The following PTPRT variants were observed in gnomAD, a reference collection of about 807,000 sequenced individuals.
PTPRT encodes receptor-type tyrosine-protein phosphatase T.
PTPRT carries 56 observed loss-of-function variants against 176.8 expected under a neutral mutation model. That is an observed-to-expected ratio of 0.32 (90% confidence interval 0.26 to 0.40). The LOEUF (loss-of-function observed/expected upper bound fraction) is 0.40, where lower values mean the gene tolerates loss of function less well. PTPRT is among the 10% of genes least tolerant of loss of function. PTPRT has a pLI of 1.00. For missense variants in PTPRT, 1,540 were observed against 1,908.2 expected (o/e 0.81, Z 3.60); for synonymous variants, 783 against 739.0 (o/e 1.06, Z -0.96).
chr20:42,248,888 T>C lies in PTPRT; in HGVS notation c.2177-66A>G, dbSNP rs985176209. 4.4e-6 allele frequency: 7 copies of C among 1,573,576 alleles called. No individual in the cohort carries two copies. The Middle Eastern group carries it at 6.7e-4, about 150-fold the overall frequency. ...CAAACATGCGACTAGACAATCATCATAATGACAACAGCTTCCTTTAGTTGA... is the reference window on the plus strand; with the variant it reads ...CAAACATGCGACTAGACAATCATCACAATGACAACAGCTTCCTTTAGTTGA... On this transcript the variant is annotated intron_variant, in intron 13 of 30. Coordinates refer to ENST00000373187, the MANE Select transcript of PTPRT (RefSeq NM_007050.6).
chr20:42,630,131 G>T (rs1323867577), intron 7 of PTPRT, among the ~76,000 whole-genome samples: 1 of 152,132 alleles, frequency 6.6e-6, no homozygotes, highest in Non-Finnish European at 1.5e-5. Context: ...AGGTAAGAGG[G>T]TCAGAGTCAG....
At chr20:42,623,608 A>C (rs874921) in intron 7 of PTPRT, among the ~76,000 whole-genome samples, 32,059 of 152,106 alleles carry the variant, frequency 0.21, 4,620 homozygotes, top group African/African-American at 0.41. Context: ...GGGACATGGC[A>C]TCATTCTGCT....
chr20:43,176,360 A>G (rs2425613), intron 1 of PTPRT, among the ~76,000 whole-genome samples: 139,352 of 152,072 alleles, frequency 0.92, 64,067 homozygotes, highest in Non-Finnish European at 0.95. Context: ...ATTGCACAGC[A>G]GCACAATCAT....
chr20:43,139,234 T>C (rs945336536), intron 1 of PTPRT, among the ~76,000 whole-genome samples: 2 of 152,180 alleles, frequency 1.3e-5, no homozygotes, highest in African/African-American at 4.8e-5. Context: ...TCAGTCTCTT[T>C]TGCACGTGTC....
In PTPRT at chr20:42,118,469, C is replaced by A; in HGVS notation, c.2916G>T (p.Trp972Cys). 2 of 1,612,906 alleles carry A rather than the reference C, an allele frequency of 1.2e-6. No homozygotes were observed. The highest frequency in any genetic ancestry group is 2.2e-5 in the South Asian group (2 of 90,896). The change falls in exon 21 of 31, where the codon TGG becomes TGT. Residue 972 changes from tryptophan (W) to cysteine (C), a missense_variant. Around this residue, in one of 11 missense-constraint regions of PTPRT, gnomAD observed 248 missense variants for 356.7 expected, o/e 0.70. Transcript: ENST00000373187. Reference sequence around the variant, plus strand: ...CGGAGTTCTCCTGCCAGATCATTCTCCAAAAGTCCTTTACAGTCTCCTGCA... The same window carrying A: ...CGGAGTTCTCCTGCCAGATCATTCTACAAAAGTCCTTTACAGTCTCCTGCA... ...GPMQETVKDF[W>C]RMIWQENSAS...
intron 2 of PTPRT, among the ~76,000 whole-genome samples, chr20:42,883,962 TAC>T (rs552445389): frequency 1.2e-3 from 184 of 149,470 alleles, no homozygotes; most frequent in African/African-American, 4.0e-3. Flanking sequence ...TACACCCCCA[TAC>T]ACACACACAC....
rs1205734732 is a variant in PTPRT, at chr20:42,075,993, GTTTCCTGGCCTTGCGTTCCTGT to G, written c.*4864_*4885del. 4 of 223,748 alleles carry G rather than the reference GTTTCCTGGCCTTGCGTTCCTGT, an allele frequency of 1.8e-5. No individual in the cohort carries two copies. Among genetic ancestry groups the G allele is most frequent in the Non-Finnish European group, 3.6e-5 (4 of 112,084 alleles). The allele number at this position is 223,748 out of a possible 1,614,324, so 13.9% of individuals were successfully genotyped here. A position where few individuals can be genotyped will look rare whatever the true frequency, so the allele number is the denominator to read the frequency against. On this transcript the variant is annotated 3_prime_UTR_variant, in exon 31 of 31. Coordinates refer to ENST00000373187, the MANE Select transcript of PTPRT (RefSeq NM_007050.6). Reference sequence around the variant, plus strand: ...GGTTCTGAGTATTCACTGGGTTCCAGTTTCCTGGCCTTGCGTTCCTGTTTTCCTGCCTAAAGTGCTCCAAATC... The same window carrying G: ...GGTTCTGAGTATTCACTGGGTTCCAGTTTCCTGCCTAAAGTGCTCCAAATC...
At chr20:42,255,809 G>C (rs979791105) in intron 13 of PTPRT, among the ~76,000 whole-genome samples, 4 of 152,162 alleles carry the variant, frequency 2.6e-5, no homozygotes, top group Admixed American at 2.6e-4. Flanking sequence ...AATCCCAATG[G>C]ATGCATAACC....
At chr20:42,695,704 T>C (rs1352745847) in intron 6 of PTPRT, among the ~76,000 whole-genome samples, 4 of 152,332 alleles carry the variant, frequency 2.6e-5, no homozygotes, top group African/African-American at 2.4e-5. Context: ...ATGGGATCAC[T>C]ACCCCAAGTT....
chr20:42,582,022 T>C (rs2145727199), intron 7 of PTPRT, among the ~76,000 whole-genome samples: 1 of 152,336 alleles, frequency 6.6e-6, no homozygotes, highest in East Asian at 1.9e-4. Flanking sequence ...TTTGACTGGC[T>C]TGTTCACCCC....
chr20:42,471,593 C>T (rs2071198712), intron 8 of PTPRT, among the ~76,000 whole-genome samples: 1 of 152,152 alleles, frequency 6.6e-6, no homozygotes, highest in Non-Finnish European at 1.5e-5. Flanking sequence ...CCAATTAAAC[C>T]TCCTTTCTTT....
chr20:42,891,473 T>C (rs534889846), intron 1 of PTPRT, among the ~76,000 whole-genome samples: 10 of 152,330 alleles, frequency 6.6e-5, no homozygotes, highest in African/African-American at 2.2e-4. Flanking sequence ...AGCAAGGAAA[T>C]TGGATTTTGA....
chr20:42,145,526 A>G (rs749535959), intron 17 of PTPRT, among the ~76,000 whole-genome samples: 18 of 152,042 alleles, frequency 1.2e-4, no homozygotes, highest in Non-Finnish European at 2.1e-4. Flanking sequence ...AGATAGATAG[A>G]TAGATAGATA....
chr20:42,471,310 C>T (rs536024821), intron 8 of PTPRT, among the ~76,000 whole-genome samples: 26 of 152,246 alleles, frequency 1.7e-4, no homozygotes, highest in African/African-American at 4.6e-4. Flanking sequence ...TTGTCCCCTC[C>T]CAAATCTCAT....
At chr20:43,037,649 GTTTT>G (rs371756335) in intron 1 of PTPRT, among the ~76,000 whole-genome samples, 3 of 151,308 alleles carry the variant, frequency 2.0e-5, no homozygotes, top group African/African-American at 7.3e-5. Flanking sequence ...TCTGAAACCT[GTTTT>G]TTTTTGTTTG....
chr20:42,196,615 A>C (rs1309453558), intron 16 of PTPRT, among the ~76,000 whole-genome samples: 1 of 152,198 alleles, frequency 6.6e-6, no homozygotes, highest in Non-Finnish European at 1.5e-5. Context: ...TTACAGATGC[A>C]AAATTATAGC....
chr20:42,989,556 C>A (rs1245822687), intron 1 of PTPRT, among the ~76,000 whole-genome samples: 1 of 152,174 alleles, frequency 6.6e-6, no homozygotes, highest in African/African-American at 2.4e-5. Flanking sequence ...GGAAATGTGT[C>A]ACCCTAGAAA....
At chr20:43,016,332 C>T (rs1242940988) in intron 1 of PTPRT, among the ~76,000 whole-genome samples, 3 of 152,258 alleles carry the variant, frequency 2.0e-5, no homozygotes, top group East Asian at 3.9e-4. Flanking sequence ...AACAGATTCT[C>T]ACTGTTCCAA....
intron 7 of PTPRT, among the ~76,000 whole-genome samples, chr20:42,609,403 C>T (rs1219522740): frequency 6.6e-6 from 1 of 152,138 alleles, no homozygotes; most frequent in African/African-American, 2.4e-5. Context: ...CCATTTTCAT[C>T]CTTGAGGCAT....
Sources: gnomAD v4.1 joint callset for allele counts (sites outside exome capture counted in the v4.1 genomes callset) on GRCh38, gnomAD v4.1.1 for gene constraint, gnomAD v4.1.1 regional missense constraint, MANE v1.5 for transcripts, NCBI Gene and HGNC (gene_info 2026-07-23, HGNC 2026-07-21) for gene names.